Variants in MORC1 observed in about 807,000 individuals in gnomAD.
MORC1 encodes the protein MORC family CW-type zinc finger protein 1.
Under a neutral mutation model 134.9 loss-of-function variants are expected in MORC1, and 59 were observed. That is an observed-to-expected ratio of 0.44 (90% CI 0.35 to 0.54). MORC1 has a LOEUF of 0.54. MORC1 is among the 20% of genes least tolerant of loss of function. The pLI, the probability that MORC1 is intolerant of heterozygous loss-of-function variation, is 0.00. For missense variants in MORC1, 947 were observed against 1,134.5 expected (o/e 0.83, Z 2.37); for synonymous variants, 395 against 391.7 (o/e 1.01, Z -0.10).
chr3:109,105,837 C>T (rs1951021746), intron 3 of MORC1, among the ~76,000 whole-genome samples: 1 of 152,110 alleles, frequency 6.6e-6, no homozygotes, highest in Admixed American at 6.5e-5. Context: ...CTCCAATTTA[C>T]TTCTTTGTCT....
intron 17 of MORC1, among the ~76,000 whole-genome samples, chr3:109,018,207 G>A (rs746536730): frequency 6.6e-6 from 1 of 152,082 alleles, no homozygotes; most frequent in South Asian, 2.1e-4. Context: ...TCAATTCTTT[G>A]TGGGACTATA....
intron 14 of MORC1, among the ~76,000 whole-genome samples, chr3:109,038,844 T>C (rs1423950058): frequency 6.6e-6 from 1 of 152,168 alleles, no homozygotes; most frequent in Non-Finnish European, 1.5e-5. Context: ...ACTGTAGCCT[T>C]GTAGTATAGT....
At chr3:108,970,673 G>C (rs957701954) in intron 25 of MORC1, among the ~76,000 whole-genome samples, 1 of 152,134 alleles carries the variant, frequency 6.6e-6, no homozygotes, top group Non-Finnish European at 1.5e-5. Flanking sequence ...TGGAGAAAAG[G>C]CCTCCCACCC....
intron 7 of MORC1, among the ~76,000 whole-genome samples, chr3:109,094,109 C>T (rs1950782533): frequency 6.6e-6 from 1 of 152,096 alleles, no homozygotes; most frequent in Admixed American, 6.5e-5. Context: ...ATGGAGAATA[C>T]ATAAATGAAT....
intron 4 of MORC1, among the ~76,000 whole-genome samples, chr3:109,100,922 G>A (rs373414106): frequency 1.2e-4 from 19 of 152,198 alleles, no homozygotes; most frequent in South Asian, 4.1e-4. Flanking sequence ...TAGGTTATAC[G>A]GAAATACCGT....
intron 27 of MORC1, among the ~76,000 whole-genome samples, chr3:108,959,800 G>A (rs564099674): frequency 6.6e-6 from 1 of 152,262 alleles, no homozygotes; most frequent in East Asian, 1.9e-4. Flanking sequence ...ATTTGACCAG[G>A]ATCTAGTCTG....
intron 14 of MORC1, among the ~76,000 whole-genome samples, chr3:109,053,824 C>A (rs1258006479): frequency 6.6e-6 from 1 of 152,154 alleles, no homozygotes; most frequent in African/African-American, 2.4e-5. Flanking sequence ...CACATAATCT[C>A]ATTGTTCAGG....
intron 17 of MORC1, among the ~76,000 whole-genome samples, chr3:109,025,376 T>C (rs1949049479): frequency 7.5e-6 from 1 of 133,128 alleles, no homozygotes; most frequent in Non-Finnish European, 1.6e-5. Context: ...CTTTTTCTTT[T>C]TTCTTTTTTT....
intron 8 of MORC1, among the ~76,000 whole-genome samples, chr3:109,076,361 A>G (rs2107723169): frequency 6.6e-6 from 1 of 152,300 alleles, no homozygotes; most frequent in South Asian, 2.1e-4. Context: ...AAATAGGAAC[A>G]CTTTTACACT....
chr3:109,044,962 A>G (rs1180864702), intron 14 of MORC1, among the ~76,000 whole-genome samples: 19 of 101,170 alleles, frequency 1.9e-4, no homozygotes, highest in African/African-American at 5.5e-4. Flanking sequence ...AAAAAAAAAG[A>G]AAAAGAAATA....
At chr3:109,091,031 T>C (rs1162111270) in intron 8 of MORC1, among the ~76,000 whole-genome samples, 1 of 152,136 alleles carries the variant, frequency 6.6e-6, no homozygotes, top group Non-Finnish European at 1.5e-5. Context: ...TAAGAATTTA[T>C]GTCTTTTCTA....
intron 14 of MORC1, among the ~76,000 whole-genome samples, chr3:109,047,419 T>C (rs911629206): frequency 2.0e-5 from 3 of 152,192 alleles, no homozygotes; most frequent in African/African-American, 4.8e-5. Flanking sequence ...AAAAACTTCA[T>C]TGTAGATGTA....
At position 109,015,243 on chromosome 3, in the gene MORC1, T is replaced by C. The variant is rs189300226; in HGVS notation, c.1705-8152A>G. 3.2e-3 allele frequency among the ~76,000 whole-genome samples: 483 copies of C among 152,174 alleles called. 1 individual carries two copies. The highest frequency in any genetic ancestry group is 5.1e-3 in the Non-Finnish European group (348 of 67,992). On this transcript the variant is annotated intron_variant, in intron 17 of 27. Transcript: ENST00000232603. ...GAACAGACATAGCAATGACCTCCAG[T>C]AACAGGGTGAAGGCAAAAATTCACT...
At chr3:109,080,132 T>A (rs1167205100) in intron 8 of MORC1, among the ~76,000 whole-genome samples, 2 of 152,158 alleles carry the variant, frequency 1.3e-5, no homozygotes, top group African/African-American at 4.8e-5. Flanking sequence ...TTAGTCCATT[T>A]TCACACTGCT....
chr3:109,032,632 T>A lies in MORC1; in HGVS notation c.1565+88A>T, dbSNP rs139917059. On this transcript the variant is annotated intron_variant, in intron 16 of 27. Transcript: ENST00000232603. ...ATACCAGATACTAAGCTAAAATCTA[T>A]ATTATAGATTGACATTTTCAAGGTT... 1.2e-5 allele frequency: 11 copies of A among 895,512 alleles called. No individual in the cohort carries two copies. In the African/African-American group the frequency reaches 1.7e-4, roughly 14 times the overall value. The allele number at this position is 895,512 out of a possible 1,614,324, so 55.5% of individuals were successfully genotyped here. A position where few individuals can be genotyped will look rare whatever the true frequency, so the allele number is the denominator to read the frequency against.
At chr3:109,084,418 T>C (rs1372963777) in intron 8 of MORC1, among the ~76,000 whole-genome samples, 2 of 151,928 alleles carry the variant, frequency 1.3e-5, no homozygotes, top group East Asian at 1.9e-4. Flanking sequence ...CTACAAAGAA[T>C]ATAAAACACC....
chr3:108,964,384 G>A (rs1408245560), intron 26 of MORC1, among the ~76,000 whole-genome samples: 1 of 152,192 alleles, frequency 6.6e-6, no homozygotes, highest in East Asian at 1.9e-4. Flanking sequence ...TGATGTTTAT[G>A]TAATAAGGAG....
chr3:108,989,746 T>C (rs1425135877), intron 21 of MORC1, among the ~76,000 whole-genome samples: 2 of 152,170 alleles, frequency 1.3e-5, no homozygotes, highest in Non-Finnish European at 2.9e-5. Context: ...CCCTTCTGTT[T>C]GCACTCGTCC....
At chr3:109,012,497 C>T (rs1948713302) in intron 17 of MORC1, among the ~76,000 whole-genome samples, 1 of 151,998 alleles carries the variant, frequency 6.6e-6, no homozygotes, top group South Asian at 2.1e-4. Flanking sequence ...TTAATTGATG[C>T]CAACTGGGGA....
Sources: gnomAD v4.1 joint callset for allele counts (sites outside exome capture counted in the v4.1 genomes callset) on GRCh38, gnomAD v4.1.1 for gene constraint, MANE v1.5 for transcripts, NCBI Gene and HGNC (gene_info 2026-07-23, HGNC 2026-07-21) for gene names.